VAT1L: variants seen among roughly 807,000 people sequenced by gnomAD.
The protein encoded by VAT1L is vesicle amine transport 1 like, also known as putative NADPH-dependent quinone oxidoreductase VAT1L.
Under a neutral mutation model 44.1 loss-of-function variants are expected in VAT1L, and 34 were observed. The ratio of observed to expected loss-of-function variants is 0.77; its 90% CI spans 0.59 to 1.03. VAT1L has a LOEUF of 1.03. Among genes scored for constraint, VAT1L ranks in the 50% least tolerant of loss-of-function variants. The pLI is 0.00. For missense variants in VAT1L, 615 were observed against 538.8 expected (o/e 1.14, Z -1.40); for synonymous variants, 253 against 202.2 (o/e 1.25, Z -2.13).
intron 3 of VAT1L, among the ~76,000 whole-genome samples, chr16:77,836,640 A>G (rs1179070912): frequency 1.3e-5 from 2 of 152,186 alleles, no homozygotes; most frequent in Non-Finnish European, 2.9e-5. Flanking sequence ...CCAACAGCAC[A>G]TGACTGGATT....
intron 7 of VAT1L, among the ~76,000 whole-genome samples, chr16:77,914,758 A>T (rs2017534995): frequency 6.6e-6 from 1 of 152,202 alleles, no homozygotes; most frequent in Admixed American, 6.5e-5. Context: ...AATTTGTATG[A>T]TGGTAAGAAA....
chr16:77,944,107 G>A (rs1341824465), intron 7 of VAT1L, among the ~76,000 whole-genome samples: 1 of 152,024 alleles, frequency 6.6e-6, no homozygotes, highest in African/African-American at 2.4e-5. Flanking sequence ...TCTCACAACT[G>A]GAAAAGTATG....
At chr16:77,937,231 C>G (rs2017810897) in intron 7 of VAT1L, among the ~76,000 whole-genome samples, 1 of 152,154 alleles carries the variant, frequency 6.6e-6, no homozygotes, top group Non-Finnish European at 1.5e-5. Flanking sequence ...GCCTGAGCCT[C>G]ACAGTTCCCT....
At chr16:77,949,370 G>C (rs893184736) in intron 7 of VAT1L, among the ~76,000 whole-genome samples, 1 of 152,076 alleles carries the variant, frequency 6.6e-6, no homozygotes, top group South Asian at 2.1e-4. Flanking sequence ...TGATCTCTGG[G>C]GTACTGACAG....
At chr16:77,908,798 C>T (rs1046941933) in intron 7 of VAT1L, among the ~76,000 whole-genome samples, 1 of 152,040 alleles carries the variant, frequency 6.6e-6, no homozygotes, top group Middle Eastern at 3.2e-3. Context: ...CCTGCAGTCC[C>T]AGCTACTTGG....
intron 7 of VAT1L, among the ~76,000 whole-genome samples, chr16:77,936,259 A>G (rs551192512): frequency 5.6e-4 from 85 of 152,178 alleles, no homozygotes; most frequent in Non-Finnish European, 1.1e-3. Flanking sequence ...ATCTTCAGCT[A>G]TATTTCTTCC....
chr16:77,855,530 C>CCAATG (rs2016849546), intron 3 of VAT1L, among the ~76,000 whole-genome samples: 1 of 152,088 alleles, frequency 6.6e-6, no homozygotes, highest in African/African-American at 2.4e-5. Flanking sequence ...ACATAGTGCA[C>CCAATG]CAATGCAGTC....
chr16:77,973,079 C>A (rs1312691140), intron 8 of VAT1L, among the ~76,000 whole-genome samples: 2 of 152,054 alleles, frequency 1.3e-5, no homozygotes, highest in Non-Finnish European at 2.9e-5. Flanking sequence ...CACCTATTCT[C>A]CCTGGGGCCT....
chr16:77,919,975 T>C (rs978866978), intron 7 of VAT1L, among the ~76,000 whole-genome samples: 1 of 152,054 alleles, frequency 6.6e-6, no homozygotes, highest in Non-Finnish European at 1.5e-5. Flanking sequence ...TCCCAGCCTC[T>C]TGAGAGTCTG....
intron 7 of VAT1L, among the ~76,000 whole-genome samples, chr16:77,952,734 T>C (rs2018058032): frequency 6.6e-6 from 1 of 151,750 alleles, no homozygotes; most frequent in African/African-American, 2.4e-5. Flanking sequence ...GGCTCATGCC[T>C]GTAGTCCCAG....
chr16:77,901,222 G>C (rs2017379550), intron 7 of VAT1L, among the ~76,000 whole-genome samples: 2 of 139,864 alleles, frequency 1.4e-5, no homozygotes, highest in Admixed American at 1.5e-4. Context: ...GGAGTGCAGT[G>C]GCGACATCTC....
chr16:77,825,204 C>T (rs2145246099), intron 2 of VAT1L, 42 bp from the exon 3 acceptor site: 2 of 1,605,166 alleles, frequency 1.2e-6, no homozygotes, highest in Non-Finnish European at 1.7e-6. Context: ...GAGCCTCTGT[C>T]ATGAGGTAGC....
At chr16:77,966,511 G>A (rs4888701) in intron 7 of VAT1L, among the ~76,000 whole-genome samples, 35,113 of 152,066 alleles carry the variant, frequency 0.23, 4,550 homozygotes, top group South Asian at 0.32. Flanking sequence ...AGTGGTGGAC[G>A]TGAGTGTGTG....
chr16:77,844,738 TG>T (rs2016741950), intron 3 of VAT1L, among the ~76,000 whole-genome samples: 1 of 152,068 alleles, frequency 6.6e-6, no homozygotes, highest in Non-Finnish European at 1.5e-5. Context: ...CTTGAACACC[TG>T]TAGATTTTGG....
Position 77,893,299 on chromosome 16 carries a change from A to G in VAT1L, c.1077+8497A>G, listed in dbSNP as rs190982196. 1.6e-4 allele frequency among the ~76,000 whole-genome samples: 24 copies of G among 152,310 alleles called. 1 individual carries two copies. In the East Asian group the frequency reaches 4.6e-3, roughly 29 times the overall value. On this transcript the variant is annotated intron_variant, in intron 7 of 8. Transcript: ENST00000302536. ...GTGTGGGATGGCAGAGAATAAACCC[A>G]TCTCAGCCATTGACAGAAAGGAAAT...
At chr16:77,805,388 G>A (rs758376046) in intron 1 of VAT1L, among the ~76,000 whole-genome samples, 2 of 152,154 alleles carry the variant, frequency 1.3e-5, no homozygotes, top group Non-Finnish European at 2.9e-5. Context: ...GCATTTTCAA[G>A]TTTTCAGTTG....
chr16:77,919,066 T>G (rs549469209), intron 7 of VAT1L, among the ~76,000 whole-genome samples: 2 of 152,292 alleles, frequency 1.3e-5, no homozygotes, highest in East Asian at 1.9e-4. Context: ...GGAGAGGAAG[T>G]GCATTGAATC....
rs1243177709 is a variant in VAT1L at position 77,876,481 on chromosome 16, C to T, written c.826+8C>T. 6.2e-7 allele frequency: 1 copy of T among 1,612,616 alleles called. No homozygotes were observed. The highest frequency in any genetic ancestry group is 8.5e-7 in the Non-Finnish European group (1 of 1,178,686). ...GAACCTACATTTTATATGGTGAGTG[C>T]AAAACAGCAGCAGGGACGTGGTCAG... is the stretch of plus-strand genomic sequence containing the variant. On this transcript the variant is annotated splice_region_variant and intron_variant, in intron 5 of 8. Coordinates refer to ENST00000302536, the MANE Select transcript of VAT1L (RefSeq NM_020927.3).
At chr16:77,854,444 TACA>T (rs2016838172) in intron 3 of VAT1L, among the ~76,000 whole-genome samples, 2 of 152,196 alleles carry the variant, frequency 1.3e-5, no homozygotes, top group East Asian at 3.8e-4. Context: ...TTCCTCTTCT[TACA>T]ACAATTGAGT....
Sources: allele counts gnomAD v4.1 joint callset (sites outside exome capture counted in the v4.1 genomes callset), GRCh38; gene constraint gnomAD v4.1.1; transcripts MANE v1.5; gene names NCBI Gene and HGNC (gene_info 2026-07-23, HGNC 2026-07-21).